The following SPAG16 variants were observed in gnomAD, a reference collection of about 807,000 sequenced individuals.
SPAG16 encodes sperm-associated antigen 16 protein.
Under a neutral mutation model 80.4 loss-of-function variants are expected in SPAG16, and 86 were observed. That is an observed-to-expected ratio of 1.07 (90% CI 0.90 to 1.28). The LOEUF (loss-of-function observed/expected upper bound fraction) is 1.28, where lower values mean the gene tolerates loss of function less well. SPAG16 is among the 50% of genes most tolerant of loss of function. The pLI is 0.00. For synonymous variants in SPAG16, 294 were observed against 265.9 expected (o/e 1.11, Z -1.03); for missense variants, 870 against 765.3 (o/e 1.14, Z -1.61).
At chr2:213,408,491 T>C (rs2068788316) in intron 9 of SPAG16, among the ~76,000 whole-genome samples, 1 of 152,216 alleles carries the variant, frequency 6.6e-6, no homozygotes, top group Non-Finnish European at 1.5e-5. Context: ...AACTCAAAAA[T>C]CTTAAAGTAT....
At chr2:214,096,993 A>G (rs1018046070) in intron 13 of SPAG16, among the ~76,000 whole-genome samples, 1 of 152,038 alleles carries the variant, frequency 6.6e-6, no homozygotes, top group African/African-American at 2.4e-5. Flanking sequence ...TTTTTCACAA[A>G]TATGTTTTTG....
intron 15 of SPAG16, among the ~76,000 whole-genome samples, chr2:214,313,867 T>C (rs1019643611): frequency 3.3e-5 from 5 of 152,104 alleles, no homozygotes; most frequent in African/African-American, 1.2e-4. Flanking sequence ...TTTTCTTCTA[T>C]ACAACTAAAC....
At chr2:214,332,284 C>A (rs1300000993) in intron 15 of SPAG16, among the ~76,000 whole-genome samples, 3 of 152,166 alleles carry the variant, frequency 2.0e-5, no homozygotes, top group Non-Finnish European at 4.4e-5. Flanking sequence ...CATTTTGTCA[C>A]AATGTTGCTT....
chr2:213,818,273 C>T (rs1011817499), intron 10 of SPAG16, among the ~76,000 whole-genome samples: 3 of 152,194 alleles, frequency 2.0e-5, no homozygotes, highest in Admixed American at 2.0e-4. Context: ...GAGTTTATCT[C>T]ATAATATGAC....
At chr2:213,702,582 C>A (rs1482788093) in intron 10 of SPAG16, among the ~76,000 whole-genome samples, 2 of 152,122 alleles carry the variant, frequency 1.3e-5, no homozygotes. Context: ...CAGTTCCGGA[C>A]ACAATAATAT....
At chr2:214,121,838 G>A (rs564735510) in intron 14 of SPAG16, among the ~76,000 whole-genome samples, 2 of 151,804 alleles carry the variant, frequency 1.3e-5, no homozygotes, top group East Asian at 3.9e-4. Flanking sequence ...TATGTATAAG[G>A]TATATATGAA....
intron 15 of SPAG16, among the ~76,000 whole-genome samples, chr2:214,325,784 T>C (rs1696433773): frequency 1.3e-5 from 2 of 152,070 alleles, no homozygotes; most frequent in South Asian, 2.1e-4. Flanking sequence ...TGACATCCAA[T>C]ACTTTTTCAC....
At chr2:213,893,796 C>A (rs2076884707) in intron 11 of SPAG16, among the ~76,000 whole-genome samples, 1 of 151,728 alleles carries the variant, frequency 6.6e-6, no homozygotes, top group Non-Finnish European at 1.5e-5. Context: ...CAGAGAAAAT[C>A]AAAATCTTTT....
chr2:213,513,663 T>G (rs2125822949), intron 10 of SPAG16, among the ~76,000 whole-genome samples: 1 of 152,232 alleles, frequency 6.6e-6, no homozygotes, highest in East Asian at 1.9e-4. Context: ...CAGAGCTAGA[T>G]GCAAGGAAGA....
intron 10 of SPAG16, among the ~76,000 whole-genome samples, chr2:213,507,130 C>A (rs534860218): frequency 6.6e-6 from 1 of 151,996 alleles, no homozygotes; most frequent in South Asian, 2.1e-4. Context: ...CAAAACTTAC[C>A]CTAAAGGTGG....
chr2:213,890,620 A>G, intron 11 of SPAG16, among the ~76,000 whole-genome samples: 1 of 151,880 alleles, frequency 6.6e-6, no homozygotes, highest in East Asian at 1.9e-4. Flanking sequence ...GACAGAAAGG[A>G]TGGTTTCATT....
chr2:213,866,317 G>A (rs1575401551), intron 11 of SPAG16, among the ~76,000 whole-genome samples: 2 of 152,000 alleles, frequency 1.3e-5, no homozygotes, highest in Admixed American at 1.3e-4. Context: ...TATTTTGAAT[G>A]CAAAACTTTA....
chr2:214,254,766 G>C (rs1364083697), intron 15 of SPAG16, among the ~76,000 whole-genome samples: 1 of 141,888 alleles, frequency 7.0e-6, no homozygotes, highest in African/African-American at 2.6e-5. Context: ...ACTAGGCTAG[G>C]AGTAAAAGAT....
chr2:214,025,780 G>T lies in SPAG16; in HGVS notation c.1527+11703G>T, dbSNP rs79647926. On this transcript the variant is annotated intron_variant, in intron 13 of 15. Coordinates refer to ENST00000331683, the MANE Select transcript of SPAG16 (RefSeq NM_024532.5). ...TTTTTCAACCATTTAGTATACTCAG[G>T]CATTTCATTCAATAAAGAAAATACT... Among the ~76,000 whole-genome samples the T allele has an allele frequency of 3.6e-4, 54 of 151,222 alleles. No individual in the cohort carries two copies. In the Middle Eastern group the frequency reaches 0.01, roughly 29 times the overall value.
intron 15 of SPAG16, among the ~76,000 whole-genome samples, chr2:214,315,277 C>A (rs1398994529): frequency 2.0e-5 from 3 of 152,082 alleles, no homozygotes; most frequent in Non-Finnish European, 4.4e-5. Flanking sequence ...GGGCTACTGT[C>A]AAATTTATAA....
At chr2:214,048,599 A>G (rs2049468692) in intron 13 of SPAG16, among the ~76,000 whole-genome samples, 4 of 152,138 alleles carry the variant, frequency 2.6e-5, no homozygotes. Flanking sequence ...GGAATGATTA[A>G]TAGACACAAA....
At chr2:214,206,258 A>G (rs1051868194) in intron 15 of SPAG16, among the ~76,000 whole-genome samples, 4 of 152,010 alleles carry the variant, frequency 2.6e-5, no homozygotes, top group Non-Finnish European at 5.9e-5. Flanking sequence ...CCCATTAACC[A>G]ACTTCTCCTT....
chr2:214,319,200 C>CACCACACACACACA (rs140486125), intron 15 of SPAG16, among the ~76,000 whole-genome samples: 10 of 142,340 alleles, frequency 7.0e-5, no homozygotes, highest in South Asian at 2.3e-4. Flanking sequence ...CACACACACA[C>CACCACACACACACA]CACACACACA....
At chr2:214,014,461 C>T (rs907288173) in intron 13 of SPAG16, among the ~76,000 whole-genome samples, 1 of 152,122 alleles carries the variant, frequency 6.6e-6, no homozygotes, top group East Asian at 1.9e-4. Flanking sequence ...AAATGGAAGA[C>T]TATCTAAATA....
Sources: allele counts gnomAD v4.1 joint callset (sites outside exome capture counted in the v4.1 genomes callset), GRCh38; gene constraint gnomAD v4.1.1; transcripts MANE v1.5; gene names NCBI Gene and HGNC (gene_info 2026-07-23, HGNC 2026-07-21).